LIX1: variants seen among roughly 807,000 people sequenced by gnomAD.
LIX1 encodes the protein limb and CNS expressed 1.
In LIX1, 24 loss-of-function variants were observed where a neutral mutation model predicts 33.4. The ratio of observed to expected loss-of-function variants is 0.72; its 90% CI spans 0.52 to 1.01. The LOEUF (loss-of-function observed/expected upper bound fraction) is 1.01. Among genes scored for constraint, LIX1 ranks in the 50% least tolerant of loss-of-function variants. The pLI is 0.00. For missense variants in LIX1, 311 were observed against 339.2 expected (o/e 0.92, Z 0.65); for synonymous variants, 124 against 124.0 (o/e 1.00, Z 0.00).
chr5:97,136,866 T>G (rs1748184009), intron 1 of LIX1, among the ~76,000 whole-genome samples: 1 of 152,154 alleles, frequency 6.6e-6, no homozygotes, highest in Non-Finnish European at 1.5e-5. Context: ...CTTTTTTTTT[T>G]CTTTTAAAAT....
At chr5:97,111,762 A>C (rs933703126) in intron 2 of LIX1, among the ~76,000 whole-genome samples, 2 of 152,224 alleles carry the variant, frequency 1.3e-5, no homozygotes, top group African/African-American at 4.8e-5. Context: ...AAATAAGACC[A>C]GTTAAGTACT....
At chr5:97,130,321 A>G (rs1748028333) in intron 1 of LIX1, among the ~76,000 whole-genome samples, 2 of 152,208 alleles carry the variant, frequency 1.3e-5, no homozygotes, top group Admixed American at 6.5e-5. Context: ...TCGAAAACAC[A>G]TTATCTATGG....
chr5:97,095,666 TG>T (rs1450129737), intron 5 of LIX1, among the ~76,000 whole-genome samples: 1 of 152,238 alleles, frequency 6.6e-6, no homozygotes, highest in Non-Finnish European at 1.5e-5. Context: ...CATGGTACAT[TG>T]TCTTTTACTT....
intron 1 of LIX1, 109 bp from the exon 2 acceptor site, chr5:97,124,738 G>A: frequency 2.5e-6 from 2 of 792,574 alleles, no homozygotes; most frequent in Non-Finnish European, 3.9e-6. Context: ...TCCAGTTTAA[G>A]TAGAGCTGGG....
At chr5:97,103,704 A>C (rs563563449) in intron 4 of LIX1, among the ~76,000 whole-genome samples, 4 of 152,200 alleles carry the variant, frequency 2.6e-5, no homozygotes, top group Non-Finnish European at 4.4e-5. Context: ...GGTGGCTCAC[A>C]CCTGTAATCC....
intron 1 of LIX1, among the ~76,000 whole-genome samples, chr5:97,138,395 G>A (rs1748213298): frequency 6.6e-6 from 1 of 152,168 alleles, no homozygotes; most frequent in African/African-American, 2.4e-5. Flanking sequence ...TGTCTGAGTT[G>A]GCAAATGGTT....
rs754312051 is a variant in LIX1, at chr5:97,124,577, C to T, written c.135G>A (p.Lys45=). 1 of 1,610,764 alleles carries T rather than the reference C, an allele frequency of 6.2e-7. No homozygotes were observed. Among genetic ancestry groups the T allele is most frequent in the Non-Finnish European group, 8.5e-7 (1 of 1,178,080 alleles). ...QEFWESKQQQ[K]AAFPSEGVVV... ...CCACACCTTCACTTGGGAATGCAGC[C>T]TTCTGCTGCTGCTTGCTTTCCCAAA... The change falls in exon 2 of 6, where the codon AAG becomes AAA. Residue 45 remains lysine (K), a synonymous_variant. Coordinates refer to ENST00000274382, the MANE Select transcript of LIX1 (RefSeq NM_153234.5).
At chr5:97,130,827 T>A (rs954389318) in intron 1 of LIX1, among the ~76,000 whole-genome samples, 1 of 152,220 alleles carries the variant, frequency 6.6e-6, no homozygotes, top group African/African-American at 2.4e-5. Flanking sequence ...ACTTTGCAGA[T>A]CGAGCTTCTT....
chr5:97,120,707 A>T (rs1747757281), intron 2 of LIX1, among the ~76,000 whole-genome samples: 1 of 152,190 alleles, frequency 6.6e-6, no homozygotes, highest in Non-Finnish European at 1.5e-5. Flanking sequence ...CAGAAGAGGA[A>T]ATCGGGGAGA....
chr5:97,099,691 G>C lies in LIX1; in HGVS notation c.484-2804C>G, dbSNP rs1746583463. ...GTTTCTACTAAAAATAAAAAAATTA[G>C]CCAGGTGTGGTGGTGGGTACCTGTA... On this transcript the variant is annotated intron_variant, in intron 4 of 5. Coordinates refer to ENST00000274382, the MANE Select transcript of LIX1 (RefSeq NM_153234.5). 1.3e-5 allele frequency among the ~76,000 whole-genome samples: 2 copies of C among 152,076 alleles called. 1 individual carries two copies. The highest frequency in any genetic ancestry group is 4.1e-4 in the South Asian group (2 of 4,824).
chr5:97,108,407 C>G (rs73775672), intron 2 of LIX1, among the ~76,000 whole-genome samples: 1,685 of 152,316 alleles, frequency 0.011, 25 homozygotes, highest in African/African-American at 0.039. Context: ...GCTAGACTGG[C>G]TTTCTGTGGC....
At chr5:97,134,989 AC>A (rs1470005681) in intron 1 of LIX1, among the ~76,000 whole-genome samples, 3 of 152,136 alleles carry the variant, frequency 2.0e-5, no homozygotes, top group African/African-American at 7.2e-5. Flanking sequence ...TTAACTCTTC[AC>A]CAACTGGAAA....
chr5:97,132,814 T>C (rs556153274), intron 1 of LIX1, among the ~76,000 whole-genome samples: 1 of 152,138 alleles, frequency 6.6e-6, no homozygotes, highest in South Asian at 2.1e-4. Context: ...GAGCCCAAGG[T>C]AGAACATTTC....
At chr5:97,112,105 G>A (rs1166414970) in intron 2 of LIX1, among the ~76,000 whole-genome samples, 1 of 152,196 alleles carries the variant, frequency 6.6e-6, no homozygotes, top group Non-Finnish European at 1.5e-5. Flanking sequence ...ATGTTAACCA[G>A]CCGCTTTCTT....
At chr5:97,115,504 C>T (rs1328384934) in intron 2 of LIX1, among the ~76,000 whole-genome samples, 1 of 152,056 alleles carries the variant, frequency 6.6e-6, no homozygotes, top group Non-Finnish European at 1.5e-5. Flanking sequence ...GTTTCTACAT[C>T]CCAAGGTTTT....
At chr5:97,131,208 G>A (rs1429226116) in intron 1 of LIX1, among the ~76,000 whole-genome samples, 1 of 152,114 alleles carries the variant, frequency 6.6e-6, no homozygotes, top group Non-Finnish European at 1.5e-5. Flanking sequence ...GCTTCAGCCT[G>A]GACAGTCTCA....
At position 97,103,766 on chromosome 5, in the gene LIX1, C is replaced by T. The variant is rs186262769; in HGVS notation, c.483+1424G>A. ...AGATCACGAGGTCAGGAGATGGAGA[C>T]CATCCTGGCTAACACGGTGAAATCC... On this transcript the variant is annotated intron_variant, in intron 4 of 5. Transcript: ENST00000274382. Among the ~76,000 whole-genome samples the T allele has an allele frequency of 2.0e-4, 30 of 152,188 alleles. No individual in the cohort carries two copies. In the East Asian group the frequency reaches 4.8e-3, roughly 25 times the overall value.
Position 97,128,650 on chromosome 5 carries a change from C to T in LIX1, c.83-4021G>A, listed in dbSNP as rs368527751. On this transcript the variant is annotated intron_variant, in intron 1 of 5. Transcript: ENST00000274382. ...CTTCTCTTCCTCCTGAATTACTTTT[C>T]TTTCTCCTGGGTTACAAAAAAAAAG... is the stretch of plus-strand genomic sequence containing the variant. 6.6e-5 allele frequency among the ~76,000 whole-genome samples: 10 copies of T among 152,206 alleles called. No individual in the cohort carries two copies. The South Asian group carries it at 1.5e-3, about 22-fold the overall frequency.
At chr5:97,096,679 C>G in intron 5 of LIX1, 131 bp downstream of exon 5, 1 of 663,342 alleles carries the variant, frequency 1.5e-6, no homozygotes, top group South Asian at 1.8e-5. Context: ...TTTGTGTGTC[C>G]TCTGCTCTTA....
Sources: allele counts gnomAD v4.1 joint callset (sites outside exome capture counted in the v4.1 genomes callset), GRCh38; gene constraint gnomAD v4.1.1; transcripts MANE v1.5; gene names NCBI Gene and HGNC (gene_info 2026-07-23, HGNC 2026-07-21).